Variants in SVOP observed in about 807,000 individuals in gnomAD.
The protein encoded by SVOP is synaptic vesicle 2-related protein.
A neutral mutation model predicts 69.1 loss-of-function variants in SVOP; 17 were observed. The ratio of observed to expected loss-of-function variants is 0.25; its 90% CI spans 0.17 to 0.37. The LOEUF is 0.37. Ranked by LOEUF, SVOP falls within the 10% of genes least tolerant of loss-of-function variation. SVOP has a pLI of 1.00. For missense variants in SVOP, 435 were observed against 597.5 expected (o/e 0.73, Z 2.84); for synonymous variants, 238 against 238.6 (o/e 1.00, Z 0.02).
At chr12:108,952,499 G>C (rs932160572) in intron 6 of SVOP, among the ~76,000 whole-genome samples, 27 of 152,140 alleles carry the variant, frequency 1.8e-4, no homozygotes, top group Middle Eastern at 3.4e-3. Context: ...GCCTCCCAAA[G>C]TGCTGGAATT....
intron 5 of SVOP, among the ~76,000 whole-genome samples, chr12:108,962,262 C>T (rs1320679497): frequency 6.6e-6 from 1 of 152,018 alleles, no homozygotes; most frequent in Admixed American, 6.6e-5. Flanking sequence ...CCATGCCTGG[C>T]TAATTTTTGT....
chr12:108,965,656 A>C (rs1027511073), intron 5 of SVOP, among the ~76,000 whole-genome samples: 1 of 152,106 alleles, frequency 6.6e-6, no homozygotes, highest in Non-Finnish European at 1.5e-5. Flanking sequence ...CGGGGGCCAT[A>C]TTTGGCCTAT....
At chr12:108,915,648 T>C (rs4964773) in intron 15 of SVOP, 135 bp downstream of exon 15, 275,264 of 846,620 alleles carry the variant, frequency 0.33, 47,862 homozygotes, top group Admixed American at 0.52. Context: ...ATTTCTTCTG[T>C]CCTCGGGTGT....
intron 1 of SVOP, among the ~76,000 whole-genome samples, chr12:109,016,442 A>G (rs1232307209): frequency 6.6e-6 from 1 of 151,782 alleles, no homozygotes; most frequent in Non-Finnish European, 1.5e-5. Flanking sequence ...TGATGTCCCA[A>G]CTCCTTGTCA....
At chr12:109,003,968 A>G (rs2040290001) in intron 1 of SVOP, among the ~76,000 whole-genome samples, 2 of 152,172 alleles carry the variant, frequency 1.3e-5, no homozygotes, top group South Asian at 4.1e-4. Flanking sequence ...ACAAAAAGCG[A>G]GGGCACCTTT....
intron 12 of SVOP, 84 bp downstream of exon 12, chr12:108,922,606 G>A (rs770356544): frequency 1.6e-4 from 156 of 984,228 alleles, no homozygotes; most frequent in Non-Finnish European, 2.3e-4. Context: ...TTGCTTCCAG[G>A]TAGGGTAGAC....
intron 3 of SVOP, 113 bp downstream of exon 3, chr12:108,978,465 A>G (rs2137434849): frequency 1.7e-6 from 1 of 582,784 alleles, no homozygotes; most frequent in East Asian, 3.0e-5. Context: ...TTGAAATTCA[A>G]GCAAAGGCTC....
At chr12:108,918,195 C>T (rs2039725946) in intron 13 of SVOP, 71 bp from the exon 14 acceptor site, 4 of 1,297,622 alleles carry the variant, frequency 3.1e-6, no homozygotes, top group Non-Finnish European at 4.2e-6. Flanking sequence ...CCTATCTTCC[C>T]AGGCAGTATC....
intron 11 of SVOP, among the ~76,000 whole-genome samples, chr12:108,930,069 A>AT (rs1282717179): frequency 2.0e-5 from 3 of 152,164 alleles, no homozygotes; most frequent in Non-Finnish European, 2.9e-5. Context: ...TGCCTGACCT[A>AT]TGTGCTAAAA....
rs192905268 is a variant in SVOP at position 108,971,200 on chromosome 12, C to T, written c.453+1205G>A. Among the ~76,000 whole-genome samples, 10 of 151,842 alleles carry T rather than the reference C, an allele frequency of 6.6e-5. No homozygotes were observed. The East Asian group carries it at 1.4e-3, about 21-fold the overall frequency. On this transcript the variant is annotated intron_variant, in intron 5 of 15. Coordinates refer to ENST00000610966, the MANE Select transcript of SVOP (RefSeq NM_018711.5). ...TCTCAGCACTTTGGGAGGCCATGGC[C>T]GGTGGATCACTTGAGGTCAGGAGTT...
chr12:109,004,913 G>A (rs1351015760), intron 1 of SVOP, among the ~76,000 whole-genome samples: 2 of 150,986 alleles, frequency 1.3e-5, no homozygotes, highest in Non-Finnish European at 3.0e-5. Flanking sequence ...AAGTTTTGTA[G>A]TTTTAGTAGA....
chr12:108,954,571 C>T (rs1044576489), intron 6 of SVOP, among the ~76,000 whole-genome samples: 33 of 152,298 alleles, frequency 2.2e-4, no homozygotes, highest in Non-Finnish European at 3.7e-4. Flanking sequence ...AAGAATCTCT[C>T]GTCCTCTTTG....
At chr12:108,977,364 GTA>G (rs1169891526) in intron 4 of SVOP, 32 bp downstream of exon 4, 2 of 1,535,812 alleles carry the variant, frequency 1.3e-6, no homozygotes, top group Non-Finnish European at 1.7e-6. Context: ...GAGCAGAACT[GTA>G]TGCAACAGAA....
chr12:108,997,636 C>T (rs1281543195), intron 1 of SVOP, among the ~76,000 whole-genome samples: 1 of 151,452 alleles, frequency 6.6e-6, no homozygotes, highest in East Asian at 1.9e-4. Flanking sequence ...ACTGCCTCCT[C>T]AAGTGGGTCC....
chr12:108,926,326 T>C (rs1054812236), intron 11 of SVOP: 1 of 152,208 alleles, frequency 6.6e-6, no homozygotes, highest in Non-Finnish European at 1.5e-5. Flanking sequence ...CTTAGGGTAA[T>C]GGCCTCCAGC....
intron 1 of SVOP, among the ~76,000 whole-genome samples, chr12:108,991,439 TTG>T (rs2040199878): frequency 2.0e-4 from 1 of 4,938 alleles, no homozygotes; most frequent in Non-Finnish European, 1.8e-3. Flanking sequence ...ATCTCGGGTT[TTG>T]CTTGTTTGTT....
intron 1 of SVOP, among the ~76,000 whole-genome samples, chr12:109,014,082 C>T (rs2040356197): frequency 6.9e-6 from 1 of 144,208 alleles, no homozygotes; most frequent in Non-Finnish European, 1.5e-5. Flanking sequence ...ACGGTGTGAT[C>T]TCAGCTCATT....
At chr12:108,965,610 T>C (rs2040040611) in intron 5 of SVOP, among the ~76,000 whole-genome samples, 1 of 150,364 alleles carries the variant, frequency 6.7e-6, no homozygotes, top group Non-Finnish European at 1.5e-5. Context: ...TGATTCAAAA[T>C]CCTATAAAAC....
In SVOP at chr12:108,940,816, C is replaced by T. The variant is rs1176206952; in HGVS notation, c.736G>A (p.Val246Ile). 6.5e-7 allele frequency: 1 copy of T among 1,537,220 alleles called. No homozygotes were observed. The highest frequency in any genetic ancestry group is 1.4e-5 in the African/African-American group (1 of 73,148). ...AGCACGGCAAAGAGGAGGAGCGGGA[C>T]AGCTGAGAGGATGAGCAGCCAACGC... ...GWRWLLILSA[V>I]PLLLFAVLCF... The change falls in exon 8 of 16, where the codon GTC becomes ATC. Residue 246 changes from valine (V) to isoleucine (I), a missense_variant. Val to Ile is a conservative substitution (Grantham distance 29, BLOSUM62 3). Transcript: ENST00000610966.
Sources: gnomAD v4.1 joint callset for allele counts (sites outside exome capture counted in the v4.1 genomes callset) on GRCh38, gnomAD v4.1.1 for gene constraint, MANE v1.5 for transcripts, NCBI Gene and HGNC (gene_info 2026-07-23, HGNC 2026-07-21) for gene names.